THADA: variants seen among roughly 807,000 people sequenced by gnomAD.
THADA encodes tRNA (32-2'-O)-methyltransferase regulator THADA.
In THADA, 213 loss-of-function variants were observed where a neutral mutation model predicts 219.8. The observed-to-expected ratio is 0.97, with a 90% confidence interval of 0.87 to 1.09. THADA has a LOEUF of 1.09. THADA is among the 50% of genes least tolerant of loss of function. The pLI, the probability that THADA is intolerant of heterozygous loss-of-function variation, is 0.00. For synonymous variants in THADA, 1,018 were observed against 828.9 expected (o/e 1.23, Z -3.92); for missense variants, 2,956 against 2,311.3 (o/e 1.28, Z -5.72).
intron 26 of THADA, among the ~76,000 whole-genome samples, chr2:43,482,329 C>CCTCT (rs1332899696): frequency 2.6e-5 from 4 of 152,238 alleles, no homozygotes; most frequent in African/African-American, 9.6e-5. Flanking sequence ...TACAAAGGAT[C>CCTCT]CTCTGCTCCT....
intron 29 of THADA, among the ~76,000 whole-genome samples, chr2:43,391,594 C>T (rs928404917): frequency 3.3e-5 from 5 of 151,944 alleles, no homozygotes; most frequent in African/African-American, 7.2e-5. Flanking sequence ...AGGTTTAGTC[C>T]TTTCTTTAGT....
chr2:43,586,692 T>C lies in THADA; in HGVS notation c.484+10A>G, dbSNP rs371989790. ...CAACTCATGGAACAAAATAAAATAA[T>C]AGGACTTACCATTTTTAAGCAGATT... On this transcript the variant is annotated intron_variant, in intron 6 of 37. Transcript: ENST00000405975. The C allele has an allele frequency of 1.6e-5, 25 of 1,609,240 alleles. 1 individual carries two copies. In the African/African-American group the frequency reaches 2.7e-4, roughly 17 times the overall value.
rs373676733 is a variant in THADA at position 43,580,607 on chromosome 2, G to A, written c.721+1134C>T. On this transcript the variant is annotated intron_variant, in intron 8 of 37. Coordinates refer to ENST00000405975, the MANE Select transcript of THADA (RefSeq NM_022065.5). ...AAAAACACAAACAATGAGGCCAGGC[G>A]CGGTGGCTCACACCTGAGCCACTTT... Among the ~76,000 whole-genome samples, 5 of 151,886 alleles carry A rather than the reference G, an allele frequency of 3.3e-5. 1 individual carries two copies. Among genetic ancestry groups the A allele is most frequent in the Admixed American group, 1.3e-4 (2 of 15,264 alleles).
chr2:43,263,328 A>G (rs1049813026), intron 36 of THADA, among the ~76,000 whole-genome samples: 6 of 151,702 alleles, frequency 4.0e-5, no homozygotes, highest in South Asian at 2.1e-4. Flanking sequence ...GCCTACCCTC[A>G]TATCTGGGAT....
At chr2:43,348,170 T>G (rs2104549870) in intron 29 of THADA, among the ~76,000 whole-genome samples, 1 of 152,314 alleles carries the variant, frequency 6.6e-6, no homozygotes, top group South Asian at 2.1e-4. Context: ...ATTAAAGTCA[T>G]CCTGATTTCC....
At position 43,560,434 on chromosome 2, in the gene THADA, T is replaced by G. The variant is rs371213276; in HGVS notation, c.2312-49A>C. The stretch of plus-strand genomic sequence containing the variant: ...AGATTTAAAAGTGAACAAAAAGAAA[T>G]CAGTCTTCTGAAGTTATTTGACCAA... On this transcript the variant is annotated intron_variant, in intron 15 of 37. Transcript: ENST00000405975. 2.2e-6 allele frequency: 3 copies of G among 1,393,672 alleles called. No homozygotes were observed. The African/African-American group carries it at 4.4e-5, about 21-fold the overall frequency. 86.3% of individuals were successfully genotyped at this position (1,393,672 alleles called of 1,614,324 possible).
At chr2:43,442,433 C>T (rs564468848) in intron 26 of THADA, among the ~76,000 whole-genome samples, 3 of 151,972 alleles carry the variant, frequency 2.0e-5, no homozygotes, top group South Asian at 4.2e-4. Flanking sequence ...GAGGGAGACT[C>T]GGAGTTGCAA....
chr2:43,278,406 C>A (rs1426153411), intron 36 of THADA, among the ~76,000 whole-genome samples: 1 of 152,208 alleles, frequency 6.6e-6, no homozygotes, highest in Non-Finnish European at 1.5e-5. Flanking sequence ...GGTGCGGAAT[C>A]TACTGAGTAT....
intron 31 of THADA, among the ~76,000 whole-genome samples, chr2:43,319,615 G>C (rs13415021): frequency 6.6e-5 from 10 of 152,136 alleles, no homozygotes; most frequent in African/African-American, 2.2e-4. Context: ...TGTATTTACC[G>C]AAGACAACAA....
At chr2:43,476,448 G>A (rs1685556558) in intron 26 of THADA, among the ~76,000 whole-genome samples, 1 of 152,170 alleles carries the variant, frequency 6.6e-6, no homozygotes. Context: ...AACCTCAAAA[G>A]AATCAATCCT....
chr2:43,360,390 C>T (rs1481743263), intron 29 of THADA, among the ~76,000 whole-genome samples: 1 of 152,182 alleles, frequency 6.6e-6, no homozygotes, highest in Non-Finnish European at 1.5e-5. Context: ...TGAAAGTAAA[C>T]AGCAAGACTG....
intron 29 of THADA, among the ~76,000 whole-genome samples, chr2:43,345,240 AAAT>A (rs1667507191): frequency 6.6e-6 from 1 of 152,214 alleles, no homozygotes; most frequent in South Asian, 2.1e-4. Flanking sequence ...GACAATAGTG[AAAT>A]AATTGAGAGT....
chr2:43,484,515 G>T (rs1266138783), intron 26 of THADA: 1 of 169,062 alleles, frequency 5.9e-6, no homozygotes, highest in Non-Finnish European at 1.5e-5. Flanking sequence ...GTTAACAACT[G>T]CAAGTCAATT....
intron 36 of THADA, among the ~76,000 whole-genome samples, chr2:43,259,421 T>C (rs1670689022): frequency 6.6e-6 from 1 of 152,240 alleles, no homozygotes; most frequent in African/African-American, 2.4e-5. Flanking sequence ...TGCCAGTCCA[T>C]CCTACTCTGA....
chr2:43,336,613 T>C (rs914521058), intron 30 of THADA, among the ~76,000 whole-genome samples: 13 of 151,750 alleles, frequency 8.6e-5, no homozygotes, highest in Non-Finnish European at 1.5e-4. Context: ...TCCACAACAA[T>C]CAACCACTAA....
At chr2:43,483,267 A>C (rs1216767429) in intron 26 of THADA, among the ~76,000 whole-genome samples, 2 of 152,178 alleles carry the variant, frequency 1.3e-5, no homozygotes, top group African/African-American at 4.8e-5. Context: ...AACAGATGAA[A>C]AAGGTCCTTC....
At chr2:43,373,335 A>G (rs1248512803) in intron 29 of THADA, among the ~76,000 whole-genome samples, 1 of 152,196 alleles carries the variant, frequency 6.6e-6, no homozygotes, top group Non-Finnish European at 1.5e-5. Context: ...ACTTTAAAAG[A>G]CTACTAGAAC....
chr2:43,431,908 A>T (rs796743503), intron 26 of THADA, among the ~76,000 whole-genome samples: 5 of 73,390 alleles, frequency 6.8e-5, no homozygotes, highest in African/African-American at 3.7e-4. Context: ...CCAGGCTGGA[A>T]TGCAGTGGCG....
At chr2:43,558,050 A>T (rs980797676) in intron 16 of THADA, among the ~76,000 whole-genome samples, 1 of 152,236 alleles carries the variant, frequency 6.6e-6, no homozygotes, top group Non-Finnish European at 1.5e-5. Flanking sequence ...TAAGTCCCAG[A>T]ACTGTTTTAT....
Sources: gnomAD v4.1 joint callset for allele counts (sites outside exome capture counted in the v4.1 genomes callset) on GRCh38, gnomAD v4.1.1 for gene constraint, MANE v1.5 for transcripts, NCBI Gene and HGNC (gene_info 2026-07-23, HGNC 2026-07-21) for gene names.